SNTG1: variants seen among roughly 807,000 people sequenced by gnomAD.
SNTG1 encodes syntrophin gamma 1, also known as gamma-1-syntrophin.
A neutral mutation model predicts 74.7 loss-of-function variants in SNTG1; 39 were observed. The observed-to-expected ratio is 0.52, with a 90% CI of 0.40 to 0.68. SNTG1 has a LOEUF of 0.68. Ranked by LOEUF, SNTG1 falls within the 30% of genes least tolerant of loss-of-function variation. SNTG1 has a pLI of 0.00. For synonymous variants in SNTG1, 254 were observed against 217.1 expected, an observed-to-expected ratio of 1.17 and a Z score of -1.49; for missense variants, 685 against 609.5, an observed-to-expected ratio of 1.12 and a Z score of -1.30.
intron 15 of SNTG1, among the ~76,000 whole-genome samples, chr8:50,700,151 C>G (rs1585577203): frequency 6.6e-6 from 1 of 152,098 alleles, no homozygotes; most frequent in East Asian, 1.9e-4. Context: ...CTTATTTAAA[C>G]CTATGTGGAT....
intron 8 of SNTG1, among the ~76,000 whole-genome samples, chr8:50,479,004 T>A (rs1325678118): frequency 6.6e-6 from 1 of 152,186 alleles, no homozygotes; most frequent in African/African-American, 2.4e-5. Flanking sequence ...GTAAAACACA[T>A]AATCTTCATA....
chr8:50,679,874 C>T (rs995559359), intron 15 of SNTG1, among the ~76,000 whole-genome samples: 1 of 152,040 alleles, frequency 6.6e-6, no homozygotes, highest in African/African-American at 2.4e-5. Flanking sequence ...CAACTACATA[C>T]AGTATGTAAA....
At position 50,285,378 on chromosome 8, in the gene SNTG1, G is replaced by T. The variant is rs1053057104; in HGVS notation, c.-27-108834G>T. On this transcript the variant is annotated intron_variant, in intron 2 of 18. Transcript: ENST00000642720. ...ATGGTGTTTTGTTTTGTGTGCTCTA[G>T]GTATGATGTTAGAGCCATGATCATG... 4.6e-5 allele frequency among the ~76,000 whole-genome samples: 7 copies of T among 152,074 alleles called. No homozygotes were observed. In the East Asian group the frequency reaches 1.4e-3, roughly 29 times the overall value.
intron 2 of SNTG1, among the ~76,000 whole-genome samples, chr8:50,259,505 AAAAAAAGAAAGAAAG>A (rs1256650037): frequency 4.3e-5 from 1 of 23,270 alleles, no homozygotes; most frequent in African/African-American, 6.3e-5. Flanking sequence ...TCTCAAAAAA[AAAAAAAGAAAGAAAG>A]AAAGAAAGAA....
intron 1 of SNTG1, among the ~76,000 whole-genome samples, chr8:49,988,231 T>C (rs79556019): frequency 3.9e-5 from 6 of 152,086 alleles, no homozygotes; most frequent in Non-Finnish European, 7.4e-5. Context: ...CAATATATTA[T>C]CTAAAATGTT....
At chr8:50,336,523 C>G (rs1282592227) in intron 2 of SNTG1, among the ~76,000 whole-genome samples, 1 of 152,024 alleles carries the variant, frequency 6.6e-6, no homozygotes, top group Non-Finnish European at 1.5e-5. Flanking sequence ...ATATTTTTAA[C>G]AAAAACCTAT....
intron 2 of SNTG1, among the ~76,000 whole-genome samples, chr8:50,223,131 A>G (rs1316511242): frequency 6.6e-6 from 1 of 152,166 alleles, no homozygotes; most frequent in Non-Finnish European, 1.5e-5. Flanking sequence ...TAAGTATTAA[A>G]GAATTCAAAG....
chr8:50,743,205 A>C (rs1444006054), intron 17 of SNTG1, among the ~76,000 whole-genome samples: 1 of 151,958 alleles, frequency 6.6e-6, no homozygotes, highest in Non-Finnish European at 1.5e-5. Context: ...ACAAGAAAAG[A>C]AAATAGTAGC....
intron 17 of SNTG1, among the ~76,000 whole-genome samples, chr8:50,741,916 C>T (rs537373882): frequency 1.8e-4 from 28 of 152,020 alleles, no homozygotes; most frequent in Non-Finnish European, 2.6e-4. Context: ...AATGAAACTA[C>T]TCTGCAAGAC....
chr8:50,691,815 G>T (rs1000562826), intron 15 of SNTG1, among the ~76,000 whole-genome samples: 1 of 152,276 alleles, frequency 6.6e-6, no homozygotes, highest in South Asian at 2.1e-4. Context: ...GATTGGGGAA[G>T]TTCTCCTGGA....
intron 1 of SNTG1, among the ~76,000 whole-genome samples, chr8:49,950,482 T>A (rs1809606888): frequency 6.6e-6 from 1 of 151,788 alleles, no homozygotes; most frequent in African/African-American, 2.4e-5. Context: ...CCAGGGGAGA[T>A]TTTTTTGCCA....
intron 2 of SNTG1, among the ~76,000 whole-genome samples, chr8:50,337,912 G>A (rs902555200): frequency 6.6e-5 from 10 of 152,142 alleles, no homozygotes; most frequent in East Asian, 3.9e-4. Flanking sequence ...CAAGGCGGGC[G>A]GATCATGAGG....
intron 2 of SNTG1, among the ~76,000 whole-genome samples, chr8:50,261,244 C>T (rs2087177315): frequency 2.0e-5 from 3 of 152,056 alleles, no homozygotes. Flanking sequence ...AGAAGAAAAT[C>T]AAGTAAAATA....
At chr8:50,753,689 T>A (rs967264974) in intron 18 of SNTG1, among the ~76,000 whole-genome samples, 1 of 151,956 alleles carries the variant, frequency 6.6e-6, no homozygotes, top group Non-Finnish European at 1.5e-5. Flanking sequence ...GTAATTTTTG[T>A]GTTTTTAAGC....
chr8:49,927,866 C>T lies in SNTG1; in HGVS notation c.-103+15635C>T, dbSNP rs183124077. On this transcript the variant is annotated intron_variant, in intron 1 of 18. Transcript: ENST00000642720. ...GGAGTGGTGGCTCAAGCCTGTAATCCCAGCACTTTGGGAGGCTGAGGGGTC... is the reference window on the plus strand; with the variant it reads ...GGAGTGGTGGCTCAAGCCTGTAATCTCAGCACTTTGGGAGGCTGAGGGGTC... Among the ~76,000 whole-genome samples, 474 of 151,958 alleles carry T rather than the reference C, an allele frequency of 3.1e-3. 4 individuals carry two copies. Among genetic ancestry groups the T allele is most frequent in the African/African-American group, 1.0e-2 (413 of 41,432 alleles).
chr8:49,961,014 T>G (rs1455316039), intron 1 of SNTG1, among the ~76,000 whole-genome samples: 2 of 152,188 alleles, frequency 1.3e-5, no homozygotes, highest in African/African-American at 2.4e-5. Context: ...TCTTGAAAAC[T>G]TTCTATTTGA....
intron 13 of SNTG1, among the ~76,000 whole-genome samples, chr8:50,621,387 A>G (rs2094922615): frequency 6.6e-6 from 1 of 152,232 alleles, no homozygotes; most frequent in African/African-American, 2.4e-5. Flanking sequence ...TCCTCCAACA[A>G]CAGGAAGAGG....
chr8:50,688,140 A>T (rs1321129378), intron 15 of SNTG1, among the ~76,000 whole-genome samples: 1 of 151,924 alleles, frequency 6.6e-6, no homozygotes, highest in African/African-American at 2.4e-5. Flanking sequence ...GAGTTCATTG[A>T]AGATTCTGTA....
chr8:50,740,859 G>A (rs10102813), intron 17 of SNTG1, among the ~76,000 whole-genome samples: 56,303 of 151,816 alleles, frequency 0.37, 12,035 homozygotes, highest in African/African-American at 0.59. Context: ...TGGAGCTGGA[G>A]GCCATTATCT....
Sources: gnomAD v4.1 joint callset for allele counts (sites outside exome capture counted in the v4.1 genomes callset) on GRCh38, gnomAD v4.1.1 for gene constraint, MANE v1.5 for transcripts, NCBI Gene and HGNC (gene_info 2026-07-23, HGNC 2026-07-21) for gene names.